The following CMC1 variants were observed in gnomAD, a reference collection of about 807,000 sequenced individuals.
The protein encoded by CMC1 is C-X9-C motif containing 1, also known as COX assembly mitochondrial protein homolog.
Under a neutral mutation model 14.1 loss-of-function variants are expected in CMC1, and 14 were observed. The ratio of observed to expected loss-of-function variants is 0.99; its 90% CI spans 0.66 to 1.55. The LOEUF (loss-of-function observed/expected upper bound fraction) is 1.55, where lower values mean the gene tolerates loss of function less well. Among genes scored for constraint, CMC1 ranks in the 40% most tolerant of loss-of-function variants. CMC1 has a pLI of 0.00. For missense variants in CMC1, 127 were observed against 123.8 expected (o/e 1.03, Z -0.12); for synonymous variants, 50 against 38.4 (o/e 1.30, Z -1.12).
chr3:28,315,047 T>C (rs1259142058), intron 2 of CMC1: 1 of 152,196 alleles, frequency 6.6e-6, no homozygotes, highest in Admixed American at 6.5e-5. Flanking sequence ...AGCTTCTTTG[T>C]AAGGACGATG....
At chr3:28,283,553 A>T (rs1329948955) in intron 2 of CMC1, among the ~76,000 whole-genome samples, 1 of 77,262 alleles carries the variant, frequency 1.3e-5, no homozygotes, top group Admixed American at 1.2e-4. Flanking sequence ...AACAAAAACA[A>T]AAAAAAAAAA....
intron 2 of CMC1, among the ~76,000 whole-genome samples, chr3:28,285,921 C>T (rs1701154026): frequency 6.6e-6 from 1 of 152,014 alleles, no homozygotes; most frequent in Non-Finnish European, 1.5e-5. Context: ...CCTGCCACCA[C>T]ACCCGGCTAA....
At chr3:28,271,223 C>T (rs562385776) in intron 2 of CMC1, among the ~76,000 whole-genome samples, 1 of 152,276 alleles carries the variant, frequency 6.6e-6, no homozygotes, top group Non-Finnish European at 1.5e-5. Flanking sequence ...ACCTCAGCTT[C>T]CTAAGTAGCT....
intron 1 of CMC1, among the ~76,000 whole-genome samples, chr3:28,249,569 G>A (rs1699017666): frequency 6.6e-6 from 1 of 152,100 alleles, no homozygotes; most frequent in African/African-American, 2.4e-5. Flanking sequence ...TATTTGGGGA[G>A]CCTTAAAAAA....
intron 2 of CMC1, among the ~76,000 whole-genome samples, chr3:28,308,419 T>C (rs990988491): frequency 2.6e-5 from 4 of 152,224 alleles, no homozygotes; most frequent in African/African-American, 7.2e-5. Flanking sequence ...TCTTTTCTTA[T>C]CGTAGTTATT....
chr3:28,289,918 A>G (rs564273306), intron 2 of CMC1, among the ~76,000 whole-genome samples: 1 of 152,276 alleles, frequency 6.6e-6, no homozygotes, highest in African/African-American at 2.4e-5. Context: ...TATTATATAC[A>G]CTACTTTTTT....
At chr3:28,247,574 G>C (rs1034441939) in intron 1 of CMC1, among the ~76,000 whole-genome samples, 2 of 152,236 alleles carry the variant, frequency 1.3e-5, no homozygotes, top group Non-Finnish European at 2.9e-5. Flanking sequence ...GTCCTGAGAA[G>C]GTTGCAGATG....
intron 2 of CMC1, among the ~76,000 whole-genome samples, chr3:28,289,330 T>C (rs1205017923): frequency 6.6e-6 from 1 of 152,028 alleles, no homozygotes; most frequent in Non-Finnish European, 1.5e-5. Flanking sequence ...TTTATCTTAC[T>C]AAGTATTGGG....
chr3:28,243,174 G>T (rs1429148329), intron 1 of CMC1, among the ~76,000 whole-genome samples: 1 of 152,020 alleles, frequency 6.6e-6, no homozygotes. Context: ...TCCCACCGCA[G>T]CCTCCTGAGT....
At chr3:28,297,261 A>G (rs1420097810) in intron 2 of CMC1, 2 of 152,124 alleles carry the variant, frequency 1.3e-5, no homozygotes, top group East Asian at 3.9e-4. Context: ...ATATTTAGAG[A>G]GGTTTAGTAA....
At chr3:28,306,791 C>T (rs192455601) in intron 2 of CMC1, among the ~76,000 whole-genome samples, 1 of 151,922 alleles carries the variant, frequency 6.6e-6, no homozygotes, top group Non-Finnish European at 1.5e-5. Flanking sequence ...ATTACAGGCA[C>T]CTGTCACCAC....
At chr3:28,288,263 G>A (rs1389880047) in intron 2 of CMC1, among the ~76,000 whole-genome samples, 3 of 152,004 alleles carry the variant, frequency 2.0e-5, no homozygotes, top group African/African-American at 7.2e-5. Context: ...GATCACATGT[G>A]AAGTGAGTTT....
At chr3:28,292,672 A>C (rs1197489354) in intron 2 of CMC1, 1 of 152,190 alleles carries the variant, frequency 6.6e-6, no homozygotes, top group East Asian at 1.9e-4. Flanking sequence ...AGTATATAAT[A>C]GGATGTTTGT....
chr3:28,274,220 CT>C lies in CMC1; in HGVS notation c.109+10855del, dbSNP rs544985268. On this transcript the variant is annotated intron_variant, in intron 2 of 3. Transcript: ENST00000466830. ...TGTACTAAAGTGTTTTTGTTTTTTTCTTTTTTTTTTTTTTTGCAGTGGCTAG... is the reference window on the plus strand; with the variant it reads ...TGTACTAAAGTGTTTTTGTTTTTTTCTTTTTTTTTTTTTTGCAGTGGCTAG... Among the ~76,000 whole-genome samples, 178 of 112,288 alleles carry C rather than the reference CT, an allele frequency of 1.6e-3. 4 individuals are homozygous for C. The highest frequency in any genetic ancestry group is 3.2e-3 in the African/African-American group (96 of 30,086). The allele number at this position is 112,288 out of a possible 152,430, so 73.7% of individuals were successfully genotyped here.
intron 1 of CMC1, among the ~76,000 whole-genome samples, chr3:28,255,507 A>C (rs1699352070): frequency 6.6e-6 from 1 of 151,692 alleles, no homozygotes; most frequent in Non-Finnish European, 1.5e-5. Context: ...CAGCCTCCCA[A>C]AGTGCTGGGA....
In CMC1 at chr3:28,320,181, C is replaced by T. The variant is rs1703141575; in HGVS notation, c.*552C>T. The T allele has an allele frequency of 6.6e-6, 1 of 151,554 alleles. No individual in the cohort carries two copies. The highest frequency in any genetic ancestry group is 6.6e-5 in the Admixed American group (1 of 15,142). The allele number at this position is 151,554 out of a possible 1,614,324, so 9.4% of individuals were successfully genotyped here. A position where few individuals can be genotyped will look rare whatever the true frequency, so the allele number is the denominator to read the frequency against. On this transcript the variant is annotated 3_prime_UTR_variant, in exon 4 of 4. Transcript: ENST00000466830. ...GACAGTGCTTCAGACCTGGTACATGCTCTTATATTGGTAGTTACTGTTAGT... is the reference window on the plus strand; with the variant it reads ...GACAGTGCTTCAGACCTGGTACATGTTCTTATATTGGTAGTTACTGTTAGT...
At position 28,323,371 on chromosome 3, in the gene CMC1, T is replaced by TC. The variant is rs1553623815; in HGVS notation, c.*3745dup. 3.3e-5 allele frequency: 5 copies of TC among 149,654 alleles called. No homozygotes were observed. The highest frequency in any genetic ancestry group is 5.0e-5 in the African/African-American group (2 of 40,348). The allele number at this position is 149,654 out of a possible 1,614,324, so 9.3% of individuals were successfully genotyped here. A position where few individuals can be genotyped will look rare whatever the true frequency, so the allele number is the denominator to read the frequency against. ...ACTATTTCATTTTTTTTTTTTTTTT[T>TC]CCCAATTAGGACTTAAGGAATGTGC... On this transcript the variant is annotated 3_prime_UTR_variant, in exon 4 of 4. Transcript: ENST00000466830.
In CMC1 at chr3:28,241,761, G is replaced by A; in HGVS notation, c.-33G>A. On this transcript the variant is annotated 5_prime_UTR_variant, in exon 1 of 4. Transcript: ENST00000466830. Reference sequence around the variant, plus strand: ...TCCCCTTCCTGCGTGCCCCGGAGCCGCCAAGCGGCTACGTTCTTCTCGGCC... The same window carrying A: ...TCCCCTTCCTGCGTGCCCCGGAGCCACCAAGCGGCTACGTTCTTCTCGGCC... 2 of 1,241,624 alleles carry A rather than the reference G, an allele frequency of 1.6e-6. No individual in the cohort carries two copies. The highest frequency in any genetic ancestry group is 1.0e-6 in the Non-Finnish European group (1 of 988,094). 76.9% of individuals were successfully genotyped at this position (1,241,624 alleles called of 1,614,324 possible). A position where few individuals can be genotyped will look rare whatever the true frequency, so the allele number is the denominator to read the frequency against.
intron 2 of CMC1, among the ~76,000 whole-genome samples, chr3:28,275,600 G>A (rs780746260): frequency 2.0e-5 from 3 of 152,124 alleles, no homozygotes; most frequent in Non-Finnish European, 4.4e-5. Flanking sequence ...GGTGGCACAG[G>A]ATCAGGGACC....
Sources: allele counts gnomAD v4.1 joint callset (sites outside exome capture counted in the v4.1 genomes callset), GRCh38; gene constraint gnomAD v4.1.1; transcripts MANE v1.5; gene names NCBI Gene and HGNC (gene_info 2026-07-23, HGNC 2026-07-21).